WFS1: variants seen among roughly 807,000 people sequenced by gnomAD.
The protein encoded by WFS1 is wolframin.
WFS1 carries 90 observed loss-of-function variants against 68.5 expected under a neutral mutation model. The ratio of observed to expected loss-of-function variants is 1.31; its 90% CI spans 1.11 to 1.56. The LOEUF (loss-of-function observed/expected upper bound fraction) is 1.56, where lower values mean the gene tolerates loss of function less well. Ranked by LOEUF, WFS1 falls within the 40% of genes most tolerant of loss-of-function variation. The probability of loss-of-function intolerance (pLI) is 0.00; values close to 1 mark genes in which losing one functional copy is unlikely to be tolerated. For missense variants in WFS1, 1,767 were observed against 1,232.6 expected (o/e 1.43, Z -6.49); for synonymous variants, 860 against 540.7 (o/e 1.59, Z -8.19).
intron 3 of WFS1, chr4:6,288,731 A>C (rs1035510236): frequency 3.7e-5 from 20 of 538,608 alleles, no homozygotes; most frequent in Admixed American, 2.2e-4. Context: ...AACCTGTACC[A>C]GTACCAGTCG....
At position 6,301,843 on chromosome 4, in the gene WFS1, T is replaced by G; in HGVS notation, c.2048T>G (p.Met683Arg). The change falls in exon 8 of 8, where the codon ATG (methionine) becomes AGG (arginine). Residue 683 changes from methionine (M) to arginine (R), a missense_variant. Coordinates refer to ENST00000226760, the MANE Select transcript of WFS1 (RefSeq NM_006005.3). ...CGPRAWKETN[M>R]ARTQILCSHL... ...CCACGCGCCTGGAAGGAGACCAACA[T>G]GGCGCGCACCCAGATCCTCTGCAGC... 1 of 1,613,062 alleles carries G rather than the reference T, an allele frequency of 6.2e-7. No homozygotes were observed. The highest frequency in any genetic ancestry group is 8.5e-7 in the Non-Finnish European group (1 of 1,179,956).
chr4:6,280,324 G>A, intron 2 of WFS1, among the ~76,000 whole-genome samples: 1 of 152,236 alleles, frequency 6.6e-6, no homozygotes, highest in Non-Finnish European at 1.5e-5. Flanking sequence ...ATGGGCAGGG[G>A]CCGTTTCTTC....
intron 2 of WFS1, among the ~76,000 whole-genome samples, chr4:6,281,758 C>G (rs1030641810): frequency 9.2e-5 from 14 of 152,080 alleles, no homozygotes; most frequent in Admixed American, 7.9e-4. Context: ...CTCAGGGCAC[C>G]CACCGTTGAT....
intron 7 of WFS1, among the ~76,000 whole-genome samples, chr4:6,297,505 G>A (rs73795956): frequency 4.6e-5 from 7 of 152,242 alleles, no homozygotes; most frequent in African/African-American, 1.4e-4. Flanking sequence ...TCTTAAAATC[G>A]TAACATTTTT....
chr4:6,300,506 G>GA, intron 7 of WFS1, 151 bp from the exon 8 acceptor site: 2 of 1,201,384 alleles, frequency 1.7e-6, no homozygotes, highest in Non-Finnish European at 2.3e-6. Flanking sequence ...GAGAAGGGGG[G>GA]AGGGAGGACC....
Position 6,287,004 on chromosome 4 carries a change from C to A in WFS1, c.233-89C>A. 2 of 1,167,542 alleles carry A rather than the reference C, an allele frequency of 1.7e-6. No individual in the cohort carries two copies. Among genetic ancestry groups the A allele is most frequent in the Non-Finnish European group, 2.5e-6 (2 of 797,472 alleles). 72.3% of individuals were successfully genotyped at this position (1,167,542 alleles called of 1,614,324 possible). A position where few individuals can be genotyped will look rare whatever the true frequency, so the allele number is the denominator to read the frequency against. ...TTGAAAGTGACAAGCAGCAGCAGAT[C>A]TGAAGACCCTCATGCCTTGTCCCCT... On this transcript the variant is annotated intron_variant, in intron 2 of 7. Transcript: ENST00000226760. This position sits in a 1 kb window ranked among gnomAD's most constrained non-coding sequence, Gnocchi z 6.4.
intron 7 of WFS1, among the ~76,000 whole-genome samples, chr4:6,296,772 T>C (rs1730650800): frequency 6.6e-6 from 1 of 152,272 alleles, no homozygotes; most frequent in South Asian, 2.1e-4. Context: ...CGGAAAATTA[T>C]GTCACCTAGT....
At chr4:6,272,168 C>T (rs573278281) in intron 1 of WFS1, among the ~76,000 whole-genome samples, 34 of 152,334 alleles carry the variant, frequency 2.2e-4, no homozygotes, top group Admixed American at 2.0e-3. Flanking sequence ...GGTGTTAACC[C>T]TTCCCATCTA....
intron 7 of WFS1, among the ~76,000 whole-genome samples, chr4:6,298,741 G>A (rs2109122338): frequency 6.6e-6 from 1 of 152,316 alleles, no homozygotes. Context: ...GTTTCCAGGT[G>A]TCCTGGTCCT....
intron 7 of WFS1, among the ~76,000 whole-genome samples, 165 bp from the exon 8 acceptor site, chr4:6,300,492 C>G (rs1324761316): frequency 1.3e-5 from 2 of 151,622 alleles, no homozygotes; most frequent in East Asian, 1.9e-4. Flanking sequence ...GGGAGGGCCA[C>G]CTGGAGAAGG....
intron 6 of WFS1, 134 bp downstream of exon 6, chr4:6,292,131 CCT>C: frequency 1.1e-6 from 1 of 882,768 alleles, no homozygotes; most frequent in Non-Finnish European, 1.8e-6. Flanking sequence ...TGCAGGGCGA[CCT>C]CTCCTTCCTG....
At chr4:6,281,044 G>T (rs1269952748) in intron 2 of WFS1, among the ~76,000 whole-genome samples, 1 of 152,200 alleles carries the variant, frequency 6.6e-6, no homozygotes, top group African/African-American at 2.4e-5. Context: ...TGACCCCAGT[G>T]GGTGGCCAGC....
rs755176736 is a variant in WFS1, at chr4:6,291,217, C to T, written c.481C>T (p.Arg161Trp). The T allele has an allele frequency of 7.4e-6, 12 of 1,612,710 alleles. No individual in the cohort carries two copies. Among genetic ancestry groups the T allele is most frequent in the African/African-American group, 1.3e-5 (1 of 75,038 alleles). Residue 161 changes from arginine to tryptophan, a missense_variant, in exon 5 of 8, where the codon CGG (arginine) becomes TGG (tryptophan). By Grantham distance (101) the Arg-to-Trp change is moderately radical (BLOSUM62 -3). Coordinates refer to ENST00000226760, the MANE Select transcript of WFS1 (RefSeq NM_006005.3). ...DRRGITSENE[R>W]EVRQLSSETD... ...CTCAGGCATCACGTCCGAGAACGAA[C>T]GGGAGGTGAGGCAGCTCTCCTCCGA...
rs1013252720 is a variant in WFS1, at chr4:6,303,018, A to G, written c.*550A>G. 2 of 167,466 alleles carry G rather than the reference A, an allele frequency of 1.2e-5. No individual in the cohort carries two copies. The highest frequency in any genetic ancestry group is 5.5e-5 in the Admixed American group (1 of 18,314). The allele number at this position is 167,466 out of a possible 1,614,324, so 10.4% of individuals were successfully genotyped here. A position where few individuals can be genotyped will look rare whatever the true frequency, so the allele number is the denominator to read the frequency against. ...CATCAGAGGCTGGGGGAGGCGGCAC[A>G]TTGGCAGTGTGTCACACTGAGCTGG... On this transcript the variant is annotated 3_prime_UTR_variant, in exon 8 of 8. Transcript: ENST00000226760.
chr4:6,284,525 T>A (rs1455893575), intron 2 of WFS1, among the ~76,000 whole-genome samples: 1 of 152,098 alleles, frequency 6.6e-6, no homozygotes, highest in Non-Finnish European at 1.5e-5. Context: ...ATGTTTTGAT[T>A]TTTTTAAAAA....
rs148544389 is a variant in WFS1 at position 6,301,579 on chromosome 4, C to T, written c.1784C>T (p.Thr595Ile). 7.4e-6 allele frequency: 12 copies of T among 1,614,086 alleles called. No homozygotes were observed. In the African/African-American group the frequency reaches 9.3e-5, roughly 13 times the overall value. Residue 595 changes from threonine (T) to isoleucine (I), a missense_variant, in exon 8 of 8, where the codon ACC becomes ATC. Thr to Ile is a moderately conservative substitution (Grantham distance 89, BLOSUM62 -1). Coordinates refer to ENST00000226760, the MANE Select transcript of WFS1 (RefSeq NM_006005.3). ...CGGTGGTTCACGTCTCTGGAGCTCA[C>T]CAAGATCGCAGTCACCGTGGCGGTC... ...FARWFTSLEL[T>I]KIAVTVAVCS...
chr4:6,302,602 C>T lies in WFS1; in HGVS notation c.*134C>T, dbSNP rs1416463162. ...GACTGTGGCTGCAGAGACCTTGCGA[C>T]CATGTGTAGATTGCGTGGACCCCGA... is the stretch of plus-strand genomic sequence containing the variant. On this transcript the variant is annotated 3_prime_UTR_variant, in exon 8 of 8. Transcript: ENST00000226760. 2.2e-6 allele frequency: 3 copies of T among 1,336,770 alleles called. No individual in the cohort carries two copies. The highest frequency in any genetic ancestry group is 3.1e-6 in the Non-Finnish European group (3 of 977,826). The allele number at this position is 1,336,770 out of a possible 1,614,324, so 82.8% of individuals were successfully genotyped here.
At chr4:6,294,235 C>T (rs749631797) in intron 6 of WFS1, among the ~76,000 whole-genome samples, 1 of 152,188 alleles carries the variant, frequency 6.6e-6, no homozygotes, top group African/African-American at 2.4e-5. Context: ...CACCATCTCA[C>T]CACGGCAACT....
chr4:6,300,774 C>G lies in WFS1; in HGVS notation c.979C>G (p.Leu327Val). ...TIIPTHHINA[L>V]IFFFIVSNLT... The stretch of plus-strand genomic sequence containing the variant: ...CATCCCCACGCACCACATCAACGCG[C>G]TCATCTTCTTCTTCATCGTCAGCAA... Residue 327 changes from leucine (L) to valine (V), a missense_variant, in exon 8 of 8, where the codon CTC (leucine) becomes GTC (valine). Physicochemically the swap from Leu to Val is conservative, Grantham distance 32. Transcript: ENST00000226760. 6.2e-7 allele frequency: 1 copy of G among 1,614,048 alleles called. No individual in the cohort carries two copies. The highest frequency in any genetic ancestry group is 8.5e-7 in the Non-Finnish European group (1 of 1,179,988).
Sources: gnomAD v4.1 joint callset for allele counts (sites outside exome capture counted in the v4.1 genomes callset) on GRCh38, gnomAD v4.1.1 for gene constraint, Gnocchi (gnomAD v3.1) non-coding constraint, MANE v1.5 for transcripts, NCBI Gene and HGNC (gene_info 2026-07-23, HGNC 2026-07-21) for gene names.